Variants in KLF14 observed in about 807,000 individuals in gnomAD.
KLF14 encodes the protein KLF transcription factor 14, also known as Krueppel-like factor 14.
In KLF14, 13 loss-of-function variants were observed where a neutral mutation model predicts 16.2. That is an observed-to-expected ratio of 0.80 (90% CI 0.52 to 1.28). The LOEUF is 1.28. Ranked by LOEUF, KLF14 falls within the 50% of genes most tolerant of loss-of-function variation. The probability of loss-of-function intolerance (pLI) is 0.00; values close to 1 mark genes in which losing one functional copy is unlikely to be tolerated. For missense variants in KLF14, 571 were observed against 493.4 expected, an observed-to-expected ratio of 1.16 and a Z score of -1.49; for synonymous variants, 276 against 233.7, an observed-to-expected ratio of 1.18 and a Z score of -1.65.
rs1554471087 is a variant in KLF14 at position 130,733,784 on chromosome 7, G to A, written c.250C>T (p.Leu84=). 1.3e-6 allele frequency: 2 copies of A among 1,495,774 alleles called. No homozygotes were observed. Among genetic ancestry groups the A allele is most frequent in the African/African-American group, 2.9e-5 (2 of 68,690 alleles). 92.7% of individuals were successfully genotyped at this position (1,495,774 alleles called of 1,614,324 possible). Reference sequence around the variant, plus strand: ...AAGTCCGCCCAGACGCTTGCAGCCAGCAGGTGGGGCGCGGCGCCGCCCGCG... The same window carrying A: ...AAGTCCGCCCAGACGCTTGCAGCCAACAGGTGGGGCGCGGCGCCGCCCGCG... ...PGAGGAAPHL[L]AASVWADLRG... is the part of the protein sequence containing the mutation. Residue 84 remains leucine, a synonymous_variant, in exon 1 of 1, where the codon CTG becomes TTG. Coordinates refer to ENST00000583337, the MANE Select transcript of KLF14 (RefSeq NM_138693.4). The surrounding 1 kb of genome is among the most constrained non-coding windows in gnomAD (Gnocchi z 5.2).
Position 130,730,943 on chromosome 7 carries a change from C to T in KLF14, c.*2119G>A, listed in dbSNP as rs1218833377. 3.3e-5 allele frequency among the ~76,000 whole-genome samples: 5 copies of T among 152,182 alleles called. No homozygotes were observed. Among genetic ancestry groups the T allele is most frequent in the Admixed American group, 6.5e-5 (1 of 15,286 alleles). On this transcript the variant is annotated 3_prime_UTR_variant, in exon 1 of 1. Transcript: ENST00000583337. ...AGCAAAGAGAAGACTCCTTCCACTA[C>T]CAAAAATCACTTTCACAGTGGGGGG... is the stretch of plus-strand genomic sequence containing the variant.
chr7:130,733,750 C>G lies in KLF14; in HGVS notation c.284G>C (p.Ser95Thr). Residue 95 changes from serine to threonine, a missense_variant, in exon 1 of 1, where the codon AGC becomes ACC. Physicochemically the swap from Ser to Thr is moderately conservative, Grantham distance 58. Coordinates refer to ENST00000583337, the MANE Select transcript of KLF14 (RefSeq NM_138693.4). This position sits in a 1 kb window ranked among gnomAD's most constrained non-coding sequence, Gnocchi z 5.2. ...AASVWADLRGSSGEGSWENSG... is the reference protein window; with the variant it reads ...AASVWADLRGTSGEGSWENSG... ...GTTCTCCCAGGAGCCCTCGCCAGAG[C>G]TGCCGCGCAAGTCCGCCCAGACGCT... is the stretch of plus-strand genomic sequence containing the variant. 6.5e-7 allele frequency: 1 copy of G among 1,535,898 alleles called. No individual in the cohort carries two copies. The highest frequency in any genetic ancestry group is 8.7e-7 in the Non-Finnish European group (1 of 1,148,696).
Position 130,732,347 on chromosome 7 carries a change from C to T in KLF14, c.*715G>A, listed in dbSNP as rs782638071. ...GTAGGAATCCAAATGGGGAGAAGGG[C>T]TACGACGCAAGCGCAGGGTTCCAAA... On this transcript the variant is annotated 3_prime_UTR_variant, in exon 1 of 1. Coordinates refer to ENST00000583337, the MANE Select transcript of KLF14 (RefSeq NM_138693.4). The T allele has an allele frequency of 6.6e-6, 1 of 152,240 alleles. No homozygotes were observed. Among genetic ancestry groups the T allele is most frequent in the Non-Finnish European group, 1.5e-5 (1 of 68,074 alleles). The allele number at this position is 152,240 out of a possible 1,614,324, so 9.4% of individuals were successfully genotyped here.
Position 130,732,867 on chromosome 7 carries a change from G to GC in KLF14, c.*194dup, listed in dbSNP as rs1797214666. On this transcript the variant is annotated 3_prime_UTR_variant, in exon 1 of 1. Coordinates refer to ENST00000583337, the MANE Select transcript of KLF14 (RefSeq NM_138693.4). ...CCACTTTTAGGATGATATACACGTT[G>GC]CAAGAATTCCCGCTATTTTCCGGCC... 9.2e-6 allele frequency: 6 copies of GC among 650,068 alleles called. No individual in the cohort carries two copies. Among genetic ancestry groups the GC allele is most frequent in the Non-Finnish European group, 1.3e-5 (5 of 391,370 alleles). 40.3% of individuals were successfully genotyped at this position (650,068 alleles called of 1,614,324 possible). A position where few individuals can be genotyped will look rare whatever the true frequency, so the allele number is the denominator to read the frequency against.
Position 130,733,263 on chromosome 7 carries a change from G to A in KLF14, c.771C>T (p.Cys257=), listed in dbSNP as rs782131816. 25 of 1,613,310 alleles carry A rather than the reference G, an allele frequency of 1.5e-5. No homozygotes were observed. The Admixed American group carries it at 2.0e-4, about 13-fold the overall frequency. Residue 257 remains cysteine, a synonymous_variant, in exon 1 of 1, where the codon TGC becomes TGT. Transcript: ENST00000583337. The surrounding 1 kb of genome is among the most constrained non-coding windows in gnomAD (Gnocchi z 5.2). Reference sequence around the variant, plus strand: ...GGGAGAACTGCTTGGGGCAGAGGGGGCAGGAGAAGCGCTTCTCGCCCGTGT... The same window carrying A: ...GGGAGAACTGCTTGGGGCAGAGGGGACAGGAGAAGCGCTTCTCGCCCGTGT... ...RTHTGEKRFS[C]PLCPKQFSRS...
Position 130,733,260 on chromosome 7 carries a change from G to T in KLF14, c.774C>A (p.Pro258=). The change falls in exon 1 of 1, where the codon CCC becomes CCA. Residue 258 remains proline, a synonymous_variant. Coordinates refer to ENST00000583337, the MANE Select transcript of KLF14 (RefSeq NM_138693.4). This position sits in a 1 kb window ranked among gnomAD's most constrained non-coding sequence, Gnocchi z 5.2. ...THTGEKRFSC[P]LCPKQFSRSD... ...TCCGGGAGAACTGCTTGGGGCAGAG[G>T]GGGCAGGAGAAGCGCTTCTCGCCCG... 2.5e-6 allele frequency: 4 copies of T among 1,613,316 alleles called. No homozygotes were observed. Among genetic ancestry groups the T allele is most frequent in the Non-Finnish European group, 3.4e-6 (4 of 1,179,688 alleles).
In KLF14 at chr7:130,733,600, G is replaced by C; in HGVS notation, c.434C>G (p.Ser145Cys). The C allele has an allele frequency of 2.6e-6, 4 of 1,546,584 alleles. No homozygotes were observed. Among genetic ancestry groups the C allele is most frequent in the Non-Finnish European group, 3.5e-6 (4 of 1,147,128 alleles). Residue 145 changes from serine to cysteine, a missense_variant, in exon 1 of 1, where the codon TCC (serine) becomes TGC (cysteine). Ser to Cys is a moderately radical substitution (Grantham distance 112). Coordinates refer to ENST00000583337, the MANE Select transcript of KLF14 (RefSeq NM_138693.4). The surrounding 1 kb of genome is among the most constrained non-coding windows in gnomAD (Gnocchi z 5.2). The part of the protein sequence containing the change: ...AAAVCAPESS[S>C]DAPAVPSAPA... ...CGCGCTTGGGACGGCGGGCGCATCG[G>C]AGGAGCTCTCGGGAGCGCAGACCGC...
In KLF14 at chr7:130,732,012, C is replaced by T. The variant is rs1554470609; in HGVS notation, c.*1050G>A. The T allele has an allele frequency of 1.3e-5, 2 of 152,276 alleles. No homozygotes were observed. Among genetic ancestry groups the T allele is most frequent in the South Asian group, 2.1e-4 (1 of 4,822 alleles). The allele number at this position is 152,276 out of a possible 1,614,324, so 9.4% of individuals were successfully genotyped here. A position where few individuals can be genotyped will look rare whatever the true frequency, so the allele number is the denominator to read the frequency against. ...CCCACCAACTCACCTGTTTCAGAAA[C>T]GAAAATCTGCAGACTCTGAGGGAAA... On this transcript the variant is annotated 3_prime_UTR_variant, in exon 1 of 1. Transcript: ENST00000583337.
rs1388297440 is a variant in KLF14, at chr7:130,734,025, G to A, written c.9C>T (p.Ala3=). The change falls in exon 1 of 1, where the codon GCC becomes GCT. Residue 3 remains alanine (A), a synonymous_variant. Transcript: ENST00000583337. This position sits in a 1 kb window ranked among gnomAD's most constrained non-coding sequence, Gnocchi z 4.4. MS[A]AVACLDYFAA... is the part of the protein sequence containing the mutation. The stretch of plus-strand genomic sequence containing the variant: ...CGAAGTAGTCCAGGCACGCCACGGC[G>A]GCCGACATGCTGGGACCGCCCGGCC... The A allele has an allele frequency of 6.1e-6, 8 of 1,315,324 alleles. No homozygotes were observed. Among genetic ancestry groups the A allele is most frequent in the South Asian group, 1.8e-5 (1 of 56,550 alleles). 81.5% of individuals were successfully genotyped at this position (1,315,324 alleles called of 1,614,324 possible).
At position 130,733,702 on chromosome 7, in the gene KLF14, G is replaced by A. The variant is rs1554471024; in HGVS notation, c.332C>T (p.Ser111Leu). ...WENSGEAPRA[S>L]SGFSDPIPCS... Reference sequence around the variant, plus strand: ...CGGGATCGGGTCGGAGAAGCCGGACGAGGCGCGTGGAGCTTCCCCCGAGTT... The same window carrying A: ...CGGGATCGGGTCGGAGAAGCCGGACAAGGCGCGTGGAGCTTCCCCCGAGTT... The change falls in exon 1 of 1, where the codon TCG becomes TTG. Residue 111 changes from serine (S) to leucine (L), a missense_variant. Ser to Leu is a moderately radical substitution (Grantham distance 145). Coordinates refer to ENST00000583337, the MANE Select transcript of KLF14 (RefSeq NM_138693.4). The surrounding 1 kb of genome is among the most constrained non-coding windows in gnomAD (Gnocchi z 5.2). The A allele has an allele frequency of 1.3e-6, 2 of 1,567,426 alleles. No homozygotes were observed. The highest frequency in any genetic ancestry group is 1.2e-5 in the South Asian group (1 of 85,930).
Position 130,732,857 on chromosome 7 carries a change from T to C in KLF14, c.*205A>G. On this transcript the variant is annotated 3_prime_UTR_variant, in exon 1 of 1. Transcript: ENST00000583337. ...GAGGCAACCCCCACTTTTAGGATGA[T>C]ATACACGTTGCAAGAATTCCCGCTA... is the stretch of plus-strand genomic sequence containing the variant. 1.6e-6 allele frequency: 1 copy of C among 616,594 alleles called. No individual in the cohort carries two copies. Among genetic ancestry groups the C allele is most frequent in the Non-Finnish European group, 2.8e-6 (1 of 361,614 alleles). 38.2% of individuals were successfully genotyped at this position (616,594 alleles called of 1,614,324 possible).
Position 130,733,520 on chromosome 7 carries a change from C to T in KLF14, c.514G>A (p.Gly172Arg). ...ASGGFSGGAL[G>R]AGPAPAADQA... ...TCCGCGGCGGGGGCGGGGCCTGCCC[C>T]TAGGGCCCCTCCAGAGAACCCACCA... is the stretch of plus-strand genomic sequence containing the variant. Residue 172 changes from glycine (G) to arginine (R), a missense_variant, in exon 1 of 1, where the codon GGG becomes AGG. Transcript: ENST00000583337. This position sits in a 1 kb window ranked among gnomAD's most constrained non-coding sequence, Gnocchi z 5.2. The T allele has an allele frequency of 3.2e-6, 5 of 1,581,282 alleles. No individual in the cohort carries two copies. The South Asian group carries it at 5.7e-5, about 18-fold the overall frequency.
chr7:130,731,692 T>C lies in KLF14; in HGVS notation c.*1370A>G, dbSNP rs1554470577. ...GGATCTCCCAGGGCAGGAAATGCCT[T>C]TCAGCCTCATCTCTAAAGAAAGGGT... On this transcript the variant is annotated 3_prime_UTR_variant, in exon 1 of 1. Transcript: ENST00000583337. The C allele has an allele frequency of 6.6e-6, 1 of 152,290 alleles. No individual in the cohort carries two copies. The highest frequency in any genetic ancestry group is 6.5e-5 in the Admixed American group (1 of 15,286). 9.4% of individuals were successfully genotyped at this position (152,290 alleles called of 1,614,324 possible). A position where few individuals can be genotyped will look rare whatever the true frequency, so the allele number is the denominator to read the frequency against.
In KLF14 at chr7:130,733,535, A is replaced by T; in HGVS notation, c.499T>A (p.Ser167Thr). 1.3e-6 allele frequency: 2 copies of T among 1,567,912 alleles called. No homozygotes were observed. The highest frequency in any genetic ancestry group is 1.7e-6 in the Non-Finnish European group (2 of 1,157,514). Residue 167 changes from serine (S) to threonine (T), a missense_variant, in exon 1 of 1, where the codon TCT (serine) becomes ACT (threonine). Coordinates refer to ENST00000583337, the MANE Select transcript of KLF14 (RefSeq NM_138693.4). The surrounding 1 kb of genome is among the most constrained non-coding windows in gnomAD (Gnocchi z 5.2). ...GGGCCTGCCCCTAGGGCCCCTCCAG[A>T]GAACCCACCAGAGGCTGCTGGTGCG... ...PGAPAASGGFSGGALGAGPAP... is the reference protein window; with the variant it reads ...PGAPAASGGFTGGALGAGPAP...
rs782557540 is a variant in KLF14, at chr7:130,733,631, C to G, written c.403G>C (p.Ala135Pro). The change falls in exon 1 of 1, where the codon GCC becomes CCC. Residue 135 changes from alanine to proline, a missense_variant. Transcript: ENST00000583337. The surrounding 1 kb of genome is among the most constrained non-coding windows in gnomAD (Gnocchi z 5.2). The stretch of plus-strand genomic sequence containing the variant: ...CTCTCGGGAGCGCAGACCGCCGCGG[C>G]GCCGGAGGCGGGAGCCAGCTCGGAG... ...PCSELAPASG[A>P]AAVCAPESSS... The G allele has an allele frequency of 2.6e-6, 4 of 1,537,260 alleles. No individual in the cohort carries two copies. In the South Asian group the frequency reaches 3.6e-5, roughly 14 times the overall value.
In KLF14 at chr7:130,732,193, T is replaced by G. The variant is rs1797199399; in HGVS notation, c.*869A>C. The G allele has an allele frequency of 6.6e-6, 1 of 152,284 alleles. No homozygotes were observed. The highest frequency in any genetic ancestry group is 6.5e-5 in the Admixed American group (1 of 15,290). 9.4% of individuals were successfully genotyped at this position (152,284 alleles called of 1,614,324 possible). A position where few individuals can be genotyped will look rare whatever the true frequency, so the allele number is the denominator to read the frequency against. ...GGCCCCGCCCAAACTTAAGGTCGCTTGAGTTTTCTCTCTGAGTGAAGGGGG... is the reference window on the plus strand; with the variant it reads ...GGCCCCGCCCAAACTTAAGGTCGCTGGAGTTTTCTCTCTGAGTGAAGGGGG... On this transcript the variant is annotated 3_prime_UTR_variant, in exon 1 of 1. Transcript: ENST00000583337.
Position 130,733,741 on chromosome 7 carries a change from T to G in KLF14, c.293A>C (p.Glu98Ala). 6.5e-7 allele frequency: 1 copy of G among 1,540,820 alleles called. No individual in the cohort carries two copies. The highest frequency in any genetic ancestry group is 8.7e-7 in the Non-Finnish European group (1 of 1,151,114). Residue 98 changes from glutamate to alanine, a missense_variant, in exon 1 of 1, where the codon GAG becomes GCG. Transcript: ENST00000583337. The surrounding 1 kb of genome is among the most constrained non-coding windows in gnomAD (Gnocchi z 5.2). Reference protein sequence around the residue: ...VWADLRGSSGEGSWENSGEAP... With the variant: ...VWADLRGSSGAGSWENSGEAP... ...TTCCCCCGAGTTCTCCCAGGAGCCC[T>G]CGCCAGAGCTGCCGCGCAAGTCCGC... is the stretch of plus-strand genomic sequence containing the variant.
chr7:130,732,539 G>C lies in KLF14; in HGVS notation c.*523C>G, dbSNP rs1301979118. 3 of 152,752 alleles carry C rather than the reference G, an allele frequency of 2.0e-5. No homozygotes were observed. The highest frequency in any genetic ancestry group is 7.2e-5 in the African/African-American group (3 of 41,450). 9.5% of individuals were successfully genotyped at this position (152,752 alleles called of 1,614,324 possible). On this transcript the variant is annotated 3_prime_UTR_variant, in exon 1 of 1. Transcript: ENST00000583337. ...ATCAACCTGGGATCCCTATTTAAAA[G>C]ATGCTAAAAATAAATTAGTAAACAT... is the stretch of plus-strand genomic sequence containing the variant.
In KLF14 at chr7:130,733,672, G is replaced by A. The variant is rs1052380690; in HGVS notation, c.362C>T (p.Ser121Phe). The change falls in exon 1 of 1, where the codon TCC becomes TTC. Residue 121 changes from serine to phenylalanine, a missense_variant. Physicochemically the swap from Ser to Phe is radical, Grantham distance 155. Transcript: ENST00000583337. The surrounding 1 kb of genome is among the most constrained non-coding windows in gnomAD (Gnocchi z 5.2). Reference protein sequence around the residue: ...SSGFSDPIPCSVQTPCSELAP... With the variant: ...SSGFSDPIPCFVQTPCSELAP... ...CAGCTCGGAGCACGGGGTCTGGACG[G>A]AGCACGGGATCGGGTCGGAGAAGCC... The A allele has an allele frequency of 3.2e-6, 5 of 1,569,096 alleles. No individual in the cohort carries two copies. Among genetic ancestry groups the A allele is most frequent in the Admixed American group, 1.8e-5 (1 of 54,854 alleles).
Sources: allele counts gnomAD v4.1 joint callset (sites outside exome capture counted in the v4.1 genomes callset), GRCh38; gene constraint gnomAD v4.1.1; non-coding constraint Gnocchi (gnomAD v3.1); transcripts MANE v1.5; gene names NCBI Gene and HGNC (gene_info 2026-07-23, HGNC 2026-07-21).